RAP1GAP2: variants seen among roughly 807,000 people sequenced by gnomAD.
The protein encoded by RAP1GAP2 is RAP1 GTPase activating protein 2.
A neutral mutation model predicts 95.0 loss-of-function variants in RAP1GAP2; 27 were observed. The observed-to-expected ratio is 0.28, with a 90% CI of 0.21 to 0.39. The LOEUF (loss-of-function observed/expected upper bound fraction) is 0.39, where lower values mean the gene tolerates loss of function less well. Ranked by LOEUF, RAP1GAP2 falls within the 10% of genes least tolerant of loss-of-function variation. RAP1GAP2 has a pLI of 1.00. For missense variants in RAP1GAP2, 771 were observed against 970.0 expected, an observed-to-expected ratio of 0.79 and a Z score of 2.72; for synonymous variants, 373 against 380.9, an observed-to-expected ratio of 0.98 and a Z score of 0.24.
At chr17:2,801,253 T>C (rs1225965095) in intron 2 of RAP1GAP2, among the ~76,000 whole-genome samples, 1 of 150,534 alleles carries the variant, frequency 6.6e-6, no homozygotes, top group African/African-American at 2.4e-5. Context: ...GGTGGGTGGA[T>C]CACCTGAGGT....
chr17:2,947,374 G>A (rs2043738542), intron 3 of RAP1GAP2, among the ~76,000 whole-genome samples: 2 of 152,094 alleles, frequency 1.3e-5, no homozygotes, highest in East Asian at 3.9e-4. Context: ...GGTGCAGTCT[G>A]TGGTCAGAGC....
intron 1 of RAP1GAP2, among the ~76,000 whole-genome samples, chr17:2,757,960 G>C (rs531482353): frequency 4.0e-4 from 60 of 151,554 alleles, no homozygotes; most frequent in African/African-American, 1.2e-3. Context: ...AGCTCCGCCT[G>C]CCGGGTTCAC....
upstream of RAP1GAP2, among the ~76,000 whole-genome samples, chr17:2,773,844 G>A (rs1316139010): frequency 2.0e-5 from 3 of 151,712 alleles, no homozygotes; most frequent in African/African-American, 4.8e-5. Context: ...TGCAACCTCC[G>A]CCTCCCGGGT....
chr17:2,757,330 A>G (rs1185485357), intron 1 of RAP1GAP2, among the ~76,000 whole-genome samples: 1 of 152,062 alleles, frequency 6.6e-6, no homozygotes, highest in Non-Finnish European at 1.5e-5. Flanking sequence ...CATATTGTCC[A>G]TAGCTAGTCT....
intron 19 of RAP1GAP2, among the ~76,000 whole-genome samples, chr17:3,023,004 T>C (rs571313788): frequency 3.2e-4 from 48 of 152,360 alleles, no homozygotes; most frequent in African/African-American, 1.1e-3. Context: ...GGCACCTTTG[T>C]TGAAAATGAA....
At chr17:2,795,362 C>G (rs1303134743), upstream of RAP1GAP2, among the ~76,000 whole-genome samples, 4 of 152,200 alleles carry the variant, frequency 2.6e-5, no homozygotes, top group South Asian at 2.1e-4. Context: ...GTGGTCAGCA[C>G]CAGTGCGTGC....
upstream of RAP1GAP2, among the ~76,000 whole-genome samples, chr17:2,794,409 C>G (rs1406488317): frequency 6.6e-6 from 1 of 152,198 alleles, no homozygotes; most frequent in Admixed American, 6.5e-5. Context: ...CTGTTGAGCA[C>G]TTCCTGGGTG....
chr17:2,962,575 C>T (rs1006467862), intron 4 of RAP1GAP2, 95 bp from the exon 5 acceptor site: 26 of 1,319,750 alleles, frequency 2.0e-5, no homozygotes, highest in Non-Finnish European at 2.3e-5. Flanking sequence ...GCTGCTGCTC[C>T]TGTTACTAAC....
chr17:2,885,911 A>T (rs953084406), intron 2 of RAP1GAP2, among the ~76,000 whole-genome samples: 1 of 152,172 alleles, frequency 6.6e-6, no homozygotes, highest in Non-Finnish European at 1.5e-5. Context: ...TTAGGTGACC[A>T]GGGCAGCTGG....
rs1438542063 is a variant in RAP1GAP2, at chr17:2,965,644, G to A, written c.596+1G>A. 6.3e-7 allele frequency: 1 copy of A among 1,597,902 alleles called. No homozygotes were observed. The highest frequency in any genetic ancestry group is 2.2e-5 in the East Asian group (1 of 44,554). On this transcript the variant is annotated splice_donor_variant, in intron 8 of 24. Coordinates refer to ENST00000254695, the MANE Select transcript of RAP1GAP2 (RefSeq NM_015085.5). LOFTEE classifies it high-confidence loss of function. The surrounding 1 kb of genome is among the most constrained non-coding windows in gnomAD (Gnocchi z 4.7). ...TCGAGTACCTCCGGGTCATCCTTAGGTAGGGCTGTTGCGCTGCTTGAGGCC... is the reference window on the plus strand; with the variant it reads ...TCGAGTACCTCCGGGTCATCCTTAGATAGGGCTGTTGCGCTGCTTGAGGCC...
upstream of RAP1GAP2, among the ~76,000 whole-genome samples, chr17:2,775,036 T>A (rs981544569): frequency 6.6e-6 from 1 of 151,714 alleles, no homozygotes; most frequent in African/African-American, 2.4e-5. Flanking sequence ...TTCACCATGT[T>A]GACCAGGTTG....
At chr17:2,943,996 A>T (rs2151437836) in intron 3 of RAP1GAP2, among the ~76,000 whole-genome samples, 1 of 152,042 alleles carries the variant, frequency 6.6e-6, no homozygotes, top group South Asian at 2.1e-4. Context: ...AAATACAAAA[A>T]ATTAGCCAGG....
rs936976208 is a variant in RAP1GAP2, at chr17:2,797,928, A to C, written c.44+1357A>C. The C allele has an allele frequency of 2.6e-6, 1 of 389,656 alleles. No homozygotes were observed. The highest frequency in any genetic ancestry group is 2.2e-5 in the African/African-American group (1 of 45,526). The allele number at this position is 389,656 out of a possible 1,614,324, so 24.1% of individuals were successfully genotyped here. On this transcript the variant is annotated intron_variant, in intron 1 of 24. Transcript: ENST00000254695. This position sits in a 1 kb window ranked among gnomAD's most constrained non-coding sequence, Gnocchi z 5.6. ...CGCCTTTCTCTGGGAGGTGTGGAGCAGATGGAAGGCTGGTCGCCAGAAAGC... is the reference window on the plus strand; with the variant it reads ...CGCCTTTCTCTGGGAGGTGTGGAGCCGATGGAAGGCTGGTCGCCAGAAAGC...
intron 2 of RAP1GAP2, among the ~76,000 whole-genome samples, chr17:2,874,003 C>T (rs764640996): frequency 1.6e-4 from 25 of 151,918 alleles, no homozygotes; most frequent in Non-Finnish European, 2.1e-4. Flanking sequence ...CTTGAACTCC[C>T]GACCTCAGGT....
At chr17:3,020,380 C>T (rs2046917308) in intron 18 of RAP1GAP2, 97 bp from the exon 19 acceptor site, 5 of 965,304 alleles carry the variant, frequency 5.2e-6, no homozygotes, top group Admixed American at 2.0e-5. Context: ...GGGGTCTCTT[C>T]CAGACCAGGA....
At position 2,998,284 on chromosome 17, in the gene RAP1GAP2, C is replaced by A; in HGVS notation, c.1108C>A (p.Pro370Thr). The A allele has an allele frequency of 6.2e-7, 1 of 1,614,014 alleles. No individual in the cohort carries two copies. Among genetic ancestry groups the A allele is most frequent in the Non-Finnish European group, 8.5e-7 (1 of 1,179,864 alleles). ...VAIIFQEENT[P>T]FVPDMIASNF... ...CATCATCTTCCAAGAGGAAAACACG[C>A]CGTTTGTCCCAGACATGATAGCCTC... The change falls in exon 14 of 25, where the codon CCG becomes ACG. Residue 370 changes from proline to threonine, a missense_variant. By Grantham distance (38) the Pro-to-Thr change is conservative (BLOSUM62 -1). Coordinates refer to ENST00000254695, the MANE Select transcript of RAP1GAP2 (RefSeq NM_015085.5).
At chr17:2,883,796 C>T (rs550065194) in intron 2 of RAP1GAP2, among the ~76,000 whole-genome samples, 2 of 152,218 alleles carry the variant, frequency 1.3e-5, no homozygotes, top group African/African-American at 4.8e-5. Flanking sequence ...GGCCTGGGGC[C>T]TCGCCAGCTG....
chr17:2,782,166 C>A (rs1299038785), intron 1 of RAP1GAP2, among the ~76,000 whole-genome samples: 2 of 152,174 alleles, frequency 1.3e-5, no homozygotes, highest in Non-Finnish European at 2.9e-5. Context: ...CTCCAGGCTT[C>A]CTTATCCTGT....
chr17:2,785,310 T>G (rs1483304673), intron 1 of RAP1GAP2, among the ~76,000 whole-genome samples: 1 of 152,032 alleles, frequency 6.6e-6, no homozygotes, highest in African/African-American at 2.4e-5. Context: ...TCCAGCCCTG[T>G]TAAGGAAGGA....
Sources: gnomAD v4.1 joint callset for allele counts (sites outside exome capture counted in the v4.1 genomes callset) on GRCh38, gnomAD v4.1.1 for gene constraint, Gnocchi (gnomAD v3.1) non-coding constraint, MANE v1.5 for transcripts, NCBI Gene and HGNC (gene_info 2026-07-23, HGNC 2026-07-21) for gene names.